The following WDPCP variants were observed in gnomAD, a reference collection of about 807,000 sequenced individuals.
WDPCP encodes the protein WD repeat-containing and planar cell polarity effector protein fritz homolog.
A neutral mutation model predicts 93.1 loss-of-function variants in WDPCP; 71 were observed. The ratio of observed to expected loss-of-function variants is 0.76; its 90% CI spans 0.63 to 0.93. The LOEUF (loss-of-function observed/expected upper bound fraction) is 0.93. WDPCP is among the 40% of genes least tolerant of loss of function. The pLI is 0.00. For missense variants in WDPCP, 844 were observed against 887.4 expected, an observed-to-expected ratio of 0.95 and a Z score of 0.62; for synonymous variants, 315 against 315.0, an observed-to-expected ratio of 1.00 and a Z score of 0.00.
At chr2:63,183,415 T>C (rs896437789) in intron 14 of WDPCP, among the ~76,000 whole-genome samples, 9 of 152,152 alleles carry the variant, frequency 5.9e-5, no homozygotes, top group African/African-American at 1.7e-4. Flanking sequence ...TGTTATCCAA[T>C]TTCCATGTAT....
intron 6 of WDPCP, among the ~76,000 whole-genome samples, chr2:63,446,783 T>C (rs1697897332): frequency 6.6e-6 from 1 of 152,214 alleles, no homozygotes; most frequent in Non-Finnish European, 1.5e-5. Context: ...TGAGCTACCT[T>C]AGCTTGAAAG....
In WDPCP at chr2:63,780,726, T is replaced by A. The variant is rs565459903; in HGVS notation, n.308+32896A>T. 2.1e-4 allele frequency among the ~76,000 whole-genome samples: 32 copies of A among 152,274 alleles called. No individual in the cohort carries two copies. The South Asian group carries it at 6.4e-3, about 31-fold the overall frequency. On this transcript the variant is annotated intron_variant and non_coding_transcript_variant, in intron 2 of 4. Coordinates refer to the WDPCP transcript ENST00000467687. ...ACAGCAGTCTTCTCAGGAAAACACA[T>A]CTTTCTTTGTTTCCTAGCAGTGATG...
intron 14 of WDPCP, among the ~76,000 whole-genome samples, chr2:63,234,693 CTTAG>C (rs1036356094): frequency 9.2e-5 from 14 of 152,046 alleles, no homozygotes; most frequent in Non-Finnish European, 1.8e-4. Flanking sequence ...AATCAGAAAA[CTTAG>C]TTAATATGAA....
At chr2:63,536,747 A>G (rs74997777) in intron 1 of WDPCP, among the ~76,000 whole-genome samples, 1 of 151,528 alleles carries the variant, frequency 6.6e-6, no homozygotes, top group African/African-American at 2.4e-5. Context: ...CCAAAAAAAA[A>G]TGGTAAAAAT....
In WDPCP at chr2:63,615,119, G is replaced by A. The variant is rs114580498; in HGVS notation, n.488+35540C>T. 8.9e-3 allele frequency among the ~76,000 whole-genome samples: 1,361 copies of A among 152,266 alleles called. 18 individuals are homozygous for A. Among genetic ancestry groups the A allele is most frequent in the African/African-American group, 0.03 (1,251 of 41,536 alleles). On this transcript the variant is annotated intron_variant and non_coding_transcript_variant, in intron 3 of 4. Transcript: ENST00000467687. ...TCCCTTCTAACAAAAAGCAGCCCAG[G>A]AAATCACTTACCTTTTAACAAAGAG...
At chr2:63,539,279 T>C (rs1411198923) in intron 1 of WDPCP, among the ~76,000 whole-genome samples, 1 of 152,212 alleles carries the variant, frequency 6.6e-6, no homozygotes, top group East Asian at 1.9e-4. Context: ...AGCCCCTTTT[T>C]CACTTGAAGT....
At chr2:63,656,019 G>A (rs755001800) in intron 2 of WDPCP, among the ~76,000 whole-genome samples, 3 of 152,100 alleles carry the variant, frequency 2.0e-5, no homozygotes, top group African/African-American at 2.4e-5. Context: ...GATGAAGGAC[G>A]GGGGATTATT....
intron 1 of WDPCP, among the ~76,000 whole-genome samples, chr2:63,522,404 A>C (rs1702999572): frequency 6.6e-6 from 1 of 151,856 alleles, no homozygotes; most frequent in African/African-American, 2.4e-5. Context: ...AAGACAAGAA[A>C]TAACCAAAAT....
intron 13 of WDPCP, among the ~76,000 whole-genome samples, chr2:63,272,945 C>T (rs547463834): frequency 3.3e-5 from 5 of 152,178 alleles, no homozygotes; most frequent in Middle Eastern, 3.4e-3. Context: ...TTTCAAGCCA[C>T]GTTATAGTCA....
At chr2:63,719,620 C>T (rs980148391) in intron 2 of WDPCP, among the ~76,000 whole-genome samples, 2 of 151,944 alleles carry the variant, frequency 1.3e-5, no homozygotes, top group South Asian at 2.1e-4. Flanking sequence ...ATTTAATAGA[C>T]GTGTGGTGGG....
chr2:63,355,130 GAC>G (rs1407143835), intron 12 of WDPCP, among the ~76,000 whole-genome samples: 1 of 152,046 alleles, frequency 6.6e-6, no homozygotes, highest in Admixed American at 6.6e-5. Flanking sequence ...ACATCCACAA[GAC>G]ACATAATCAT....
intron 2 of WDPCP, among the ~76,000 whole-genome samples, chr2:63,771,504 G>C (rs1230487859): frequency 2.0e-5 from 3 of 151,438 alleles, no homozygotes; most frequent in Non-Finnish European, 4.4e-5. Context: ...AACTCTTCAA[G>C]GGAATAAACT....
At chr2:63,191,965 G>A (rs1476575310) in intron 14 of WDPCP, among the ~76,000 whole-genome samples, 1 of 152,140 alleles carries the variant, frequency 6.6e-6, no homozygotes, top group Admixed American at 6.5e-5. Flanking sequence ...TTGAGATAGA[G>A]GCCATATGAC....
chr2:63,572,623 A>T (rs569020772), intron 1 of WDPCP, among the ~76,000 whole-genome samples: 46 of 139,190 alleles, frequency 3.3e-4, no homozygotes, highest in African/African-American at 9.7e-4. Flanking sequence ...GAATCGCTTG[A>T]ACCTGGGAGG....
At chr2:63,586,532 A>T (rs780455275) in intron 1 of WDPCP, among the ~76,000 whole-genome samples, 2 of 152,196 alleles carry the variant, frequency 1.3e-5, no homozygotes, top group Non-Finnish European at 2.9e-5. Context: ...GAACACAGAC[A>T]ATCTTATTAG....
intron 1 of WDPCP, among the ~76,000 whole-genome samples, chr2:63,547,599 T>G (rs1488993926): frequency 6.6e-6 from 1 of 150,702 alleles, no homozygotes; most frequent in African/African-American, 2.4e-5. Flanking sequence ...ACACACACAC[T>G]GAAATATTAT....
intron 10 of WDPCP, among the ~76,000 whole-genome samples, chr2:63,395,983 C>A (rs1348766548): frequency 6.6e-6 from 1 of 152,166 alleles, no homozygotes. Context: ...CCCACCTCGG[C>A]CTCCTAAAGT....
At chr2:63,610,380 G>A (rs1412637772) in intron 3 of WDPCP, among the ~76,000 whole-genome samples, 1 of 152,102 alleles carries the variant, frequency 6.6e-6, no homozygotes, top group Admixed American at 6.6e-5. Context: ...AGCCAGTGCA[G>A]CTTTATTTAA....
At chr2:63,125,658 AGT>A (rs1669845222) in intron 17 of WDPCP, among the ~76,000 whole-genome samples, 1 of 152,100 alleles carries the variant, frequency 6.6e-6, no homozygotes, top group African/African-American at 2.4e-5. Flanking sequence ...CCCAGGCTGG[AGT>A]GCAGTGGCGT....
Sources: allele counts gnomAD v4.1 joint callset (sites outside exome capture counted in the v4.1 genomes callset), GRCh38; gene constraint gnomAD v4.1.1; transcripts MANE v1.5; gene names NCBI Gene and HGNC (gene_info 2026-07-23, HGNC 2026-07-21).